TANGO6: variants seen among roughly 807,000 people sequenced by gnomAD.
TANGO6 encodes transport and golgi organization 6 homolog, also known as transport and Golgi organization protein 6 homolog.
A neutral mutation model predicts 114.2 loss-of-function variants in TANGO6; 90 were observed. The observed-to-expected ratio is 0.79, with a 90% CI of 0.66 to 0.94. The LOEUF (loss-of-function observed/expected upper bound fraction) is 0.94, where lower values mean the gene tolerates loss of function less well. Ranked by LOEUF, TANGO6 falls within the 40% of genes least tolerant of loss-of-function variation. The pLI, the probability that TANGO6 is intolerant of heterozygous loss-of-function variation, is 0.00. For missense variants in TANGO6, 1,274 were observed against 1,315.3 expected, an observed-to-expected ratio of 0.97 and a Z score of 0.49; for synonymous variants, 477 against 509.8, an observed-to-expected ratio of 0.94 and a Z score of 0.87.
chr16:68,873,272 T>C (rs1010920488), intron 4 of TANGO6, among the ~76,000 whole-genome samples: 24 of 152,170 alleles, frequency 1.6e-4, no homozygotes, highest in Admixed American at 1.3e-3. Flanking sequence ...TCTGGCTTCC[T>C]TTACTTGGCA....
chr16:68,850,030 G>A (rs1961876889), intron 1 of TANGO6, among the ~76,000 whole-genome samples: 1 of 141,988 alleles, frequency 7.0e-6, no homozygotes, highest in South Asian at 2.2e-4. Context: ...CTGGAGTGCA[G>A]TGGCTCAATC....
At chr16:68,893,348 A>C (rs747793166) in intron 7 of TANGO6, among the ~76,000 whole-genome samples, 8 of 152,216 alleles carry the variant, frequency 5.3e-5, no homozygotes, top group Non-Finnish European at 1.2e-4. Flanking sequence ...AAATATTCAT[A>C]AATAACTCTG....
At chr16:68,872,780 T>C (rs1962296354) in intron 4 of TANGO6, among the ~76,000 whole-genome samples, 1 of 151,794 alleles carries the variant, frequency 6.6e-6, no homozygotes, top group African/African-American at 2.4e-5. Context: ...CACTACAGCT[T>C]GCGCCTCCCA....
At chr16:69,024,700 A>C (rs754425756) in intron 16 of TANGO6, among the ~76,000 whole-genome samples, 1 of 152,220 alleles carries the variant, frequency 6.6e-6, no homozygotes, top group Non-Finnish European at 1.5e-5. Context: ...AGACTAGTTA[A>C]CATGTGGCCA....
intron 17 of TANGO6, among the ~76,000 whole-genome samples, chr16:69,053,124 A>G (rs1337448307): frequency 1.3e-5 from 2 of 152,136 alleles, no homozygotes; most frequent in African/African-American, 4.8e-5. Flanking sequence ...TAAAAATAAT[A>G]GTACCACTTT....
chr16:68,883,160 GC>G (rs1222857662), intron 7 of TANGO6, among the ~76,000 whole-genome samples: 3 of 152,136 alleles, frequency 2.0e-5, no homozygotes, highest in Non-Finnish European at 4.4e-5. Flanking sequence ...TCACATCACT[GC>G]ATTCCAGCCT....
At chr16:69,083,453 G>C (rs1304193304) in intron 17 of TANGO6, 32 bp from the exon 18 acceptor site, 1 of 1,589,946 alleles carries the variant, frequency 6.3e-7, no homozygotes. Flanking sequence ...CGGCACAGTA[G>C]ACAGGCGGTC....
At chr16:69,083,316 C>T (rs1292998667) in intron 17 of TANGO6, among the ~76,000 whole-genome samples, 169 bp from the exon 18 acceptor site, 1 of 152,100 alleles carries the variant, frequency 6.6e-6, no homozygotes. Flanking sequence ...CTGCCTTGGC[C>T]TCCCAAAGTG....
At chr16:68,876,651 A>C (rs1318490928) in intron 5 of TANGO6, among the ~76,000 whole-genome samples, 1 of 151,676 alleles carries the variant, frequency 6.6e-6, no homozygotes, top group African/African-American at 2.4e-5. Flanking sequence ...AGAAACCCCA[A>C]CTCTACTGAA....
intron 1 of TANGO6, 30 bp from the exon 2 acceptor site, chr16:68,859,854 A>G (rs1185456412): frequency 2.0e-6 from 3 of 1,531,852 alleles, no homozygotes; most frequent in Non-Finnish European, 1.7e-6. Context: ...TTCTATGTGT[A>G]TAAACTCTCC....
chr16:68,888,037 A>G (rs1009317826), intron 7 of TANGO6, among the ~76,000 whole-genome samples: 1 of 152,208 alleles, frequency 6.6e-6, no homozygotes, highest in African/African-American at 2.4e-5. Context: ...CTGGGGGGCC[A>G]GGAGGAAAGT....
intron 1 of TANGO6, 55 bp downstream of exon 1, chr16:68,843,766 G>A: frequency 6.4e-6 from 10 of 1,563,446 alleles, no homozygotes; most frequent in Non-Finnish European, 8.8e-6. Flanking sequence ...GGGCCGCCCG[G>A]CTTCCGGGGC....
intron 1 of TANGO6, among the ~76,000 whole-genome samples, chr16:68,850,593 T>C (rs1961886092): frequency 6.6e-6 from 1 of 152,228 alleles, no homozygotes; most frequent in Admixed American, 6.5e-5. Flanking sequence ...GTGGTTATGC[T>C]GCTAACTTAA....
At chr16:68,964,598 G>T (rs917522293) in intron 14 of TANGO6, among the ~76,000 whole-genome samples, 1 of 134,564 alleles carries the variant, frequency 7.4e-6, no homozygotes, top group Non-Finnish European at 1.5e-5. Context: ...ACAGAGTCTC[G>T]CTCTGTCGCC....
At chr16:68,875,443 G>A (rs973338308) in intron 5 of TANGO6, among the ~76,000 whole-genome samples, 153 bp downstream of exon 5, 10 of 152,156 alleles carry the variant, frequency 6.6e-5, no homozygotes, top group African/African-American at 4.8e-5. Context: ...AATAAAAACC[G>A]GTGGAAGAGA....
chr16:68,955,875 C>G (rs1011122027), intron 14 of TANGO6, among the ~76,000 whole-genome samples: 1 of 152,118 alleles, frequency 6.6e-6, no homozygotes, highest in Non-Finnish European at 1.5e-5. Flanking sequence ...ATAAGCCAGG[C>G]ATGGTGGCTC....
Position 68,880,591 on chromosome 16 carries a change from A to G in TANGO6, c.1338A>G (p.Thr446=), listed in dbSNP as rs200345953. ...SDMVPGTILV[T]EEELSRCIED... ...TGGTACCAGGAACTATTTTGGTGAC[A>G]GAAGAAGAACTTAGTAGATGCATTG... The change falls in exon 7 of 18, where the codon ACA becomes ACG. Residue 446 remains threonine (T), a synonymous_variant. Transcript: ENST00000261778. 2 of 1,613,012 alleles carry G rather than the reference A, an allele frequency of 1.2e-6. No homozygotes were observed. The highest frequency in any genetic ancestry group is 1.7e-6 in the Non-Finnish European group (2 of 1,179,438).
intron 5 of TANGO6, 21 bp downstream of exon 5, chr16:68,875,311 T>G: frequency 4.4e-6 from 7 of 1,608,828 alleles, no homozygotes; most frequent in Non-Finnish European, 6.0e-6. Context: ...TTGTTTCTAT[T>G]GATCATTTGA....
At chr16:69,054,090 C>G (rs921243519) in intron 17 of TANGO6, among the ~76,000 whole-genome samples, 2 of 152,102 alleles carry the variant, frequency 1.3e-5, no homozygotes, top group Non-Finnish European at 2.9e-5. Flanking sequence ...GAATCTTGGT[C>G]TCCCATAGAG....
Sources: gnomAD v4.1 joint callset for allele counts (sites outside exome capture counted in the v4.1 genomes callset) on GRCh38, gnomAD v4.1.1 for gene constraint, MANE v1.5 for transcripts, NCBI Gene and HGNC (gene_info 2026-07-23, HGNC 2026-07-21) for gene names.